MMP26: variants seen among roughly 807,000 people sequenced by gnomAD.
MMP26 encodes matrix metallopeptidase 26.
In MMP26, 33 loss-of-function variants were observed where a neutral mutation model predicts 31.0. The ratio of observed to expected loss-of-function variants is 1.06; its 90% confidence interval spans 0.81 to 1.42. MMP26 has a LOEUF of 1.42. Among genes scored for constraint, MMP26 ranks in the 40% most tolerant of loss-of-function variants. MMP26 has a pLI of 0.00. For synonymous variants in MMP26, 122 were observed against 114.9 expected, an observed-to-expected ratio of 1.06 and a Z score of -0.40; for missense variants, 347 against 316.1, an observed-to-expected ratio of 1.10 and a Z score of -0.74.
intron 2 of MMP26, chr11:4,804,595 T>A (rs534369454): frequency 2.7e-6 from 2 of 742,558 alleles, no homozygotes; most frequent in African/African-American, 3.4e-5. Context: ...CGTACTTATG[T>A]CATTCAAAAT....
chr11:4,949,237 G>C (rs1249571600), intron 2 of MMP26, among the ~76,000 whole-genome samples: 1 of 121,812 alleles, frequency 8.2e-6, no homozygotes, highest in Non-Finnish European at 1.8e-5. Context: ...TGCTACGTTT[G>C]CTATGAAATA....
intron 2 of MMP26, among the ~76,000 whole-genome samples, chr11:4,968,885 C>T (rs1044302789): frequency 1.3e-5 from 2 of 152,006 alleles, no homozygotes; most frequent in Non-Finnish European, 2.9e-5. Flanking sequence ...AATACCCAGT[C>T]ATACTTTAGA....
At chr11:4,924,713 G>A (rs1851244374) in intron 2 of MMP26, among the ~76,000 whole-genome samples, 1 of 152,192 alleles carries the variant, frequency 6.6e-6, no homozygotes. Flanking sequence ...TGGATCTAGA[G>A]ATGGGAAGGA....
chr11:4,854,774 T>C (rs1850025569), intron 2 of MMP26, among the ~76,000 whole-genome samples: 1 of 152,158 alleles, frequency 6.6e-6, no homozygotes, highest in Non-Finnish European at 1.5e-5. Flanking sequence ...CTCAAGTGGG[T>C]CCCTGACCCT....
At chr11:4,896,494 G>A (rs1192183185) in intron 2 of MMP26, among the ~76,000 whole-genome samples, 1 of 152,136 alleles carries the variant, frequency 6.6e-6, no homozygotes, top group Non-Finnish European at 1.5e-5. Context: ...TTCCCACAAG[G>A]CATTGCTATG....
chr11:4,923,491 C>G, intron 2 of MMP26: 1 of 1,614,012 alleles, frequency 6.2e-7, no homozygotes. Context: ...GTGGTACCAG[C>G]AGATACACAT....
intron 2 of MMP26, among the ~76,000 whole-genome samples, chr11:4,817,768 T>C (rs1849441332): frequency 6.6e-6 from 1 of 152,194 alleles, no homozygotes; most frequent in Non-Finnish European, 1.5e-5. Flanking sequence ...GAATTTCTAG[T>C]CATTACACCT....
chr11:4,911,796 T>G (rs1850995801), intron 2 of MMP26, among the ~76,000 whole-genome samples: 2 of 152,204 alleles, frequency 1.3e-5, no homozygotes, highest in Non-Finnish European at 2.9e-5. Context: ...TTGCAGTTTA[T>G]GAAATAGTTA....
At chr11:4,719,206 G>A (rs2133272962) in intron 1 of MMP26, 1 of 154,848 alleles carries the variant, frequency 6.5e-6, no homozygotes, top group Admixed American at 6.5e-5. Flanking sequence ...GATCAACAGT[G>A]CAGTTGGGCT....
At chr11:4,853,818 A>G (rs1006864452) in intron 2 of MMP26, among the ~76,000 whole-genome samples, 5 of 152,204 alleles carry the variant, frequency 3.3e-5, no homozygotes, top group African/African-American at 1.2e-4. Flanking sequence ...TTGATTCTAA[A>G]GCCAAATCAT....
intron 2 of MMP26, among the ~76,000 whole-genome samples, chr11:4,867,472 C>A (rs555271697): frequency 1.4e-5 from 2 of 147,380 alleles, no homozygotes; most frequent in South Asian, 4.5e-4. Flanking sequence ...CTCACTGCAA[C>A]CTCCACCTCC....
intron 2 of MMP26, among the ~76,000 whole-genome samples, chr11:4,930,137 TA>T (rs2133589807): frequency 6.6e-6 from 1 of 152,212 alleles, no homozygotes; most frequent in East Asian, 1.9e-4. Flanking sequence ...ATTTTAAAAA[TA>T]AAAACATCAC....
Position 4,931,439 on chromosome 11 carries a change from G to C in MMP26, c.-144-56629G>C, listed in dbSNP as rs189375311. Among the ~76,000 whole-genome samples the C allele has an allele frequency of 4.2e-3, 631 of 151,998 alleles. 3 individuals carry two copies. The highest frequency in any genetic ancestry group is 0.015 in the African/African-American group (605 of 41,478). ...GAGTAAGCAGAAGAAGAGGAACAAA[G>C]AGCCAAAAACAAAAGACAAAACACG... is the stretch of plus-strand genomic sequence containing the variant. On this transcript the variant is annotated intron_variant, in intron 2 of 7. Coordinates refer to ENST00000380390, the MANE Select transcript of MMP26 (RefSeq NM_021801.5).
At chr11:4,821,475 C>G (rs1463876580) in intron 2 of MMP26, 3 of 1,613,222 alleles carry the variant, frequency 1.9e-6, no homozygotes, top group Non-Finnish European at 2.5e-6. Flanking sequence ...TCCTGATGGG[C>G]ATTCCAGGCC....
At chr11:4,955,723 A>G (rs758935435) in intron 2 of MMP26, 81 of 1,569,184 alleles carry the variant, frequency 5.2e-5, no homozygotes, top group Non-Finnish European at 6.5e-5. Context: ...TGATTCATTC[A>G]TAGGGCTCTG....
intron 2 of MMP26, among the ~76,000 whole-genome samples, chr11:4,963,607 C>G (rs1846551149): frequency 6.6e-6 from 1 of 151,934 alleles, no homozygotes; most frequent in Admixed American, 6.6e-5. Flanking sequence ...GATCTTTGTC[C>G]TTGCTTTTTA....
At chr11:4,907,923 T>G (rs768217386) in intron 2 of MMP26, 1 of 1,614,146 alleles carries the variant, frequency 6.2e-7, no homozygotes, top group African/African-American at 1.3e-5. Flanking sequence ...CAGGATACCA[T>G]GAAGCTGGCC....
intron 2 of MMP26, among the ~76,000 whole-genome samples, chr11:4,856,257 A>G (rs1320536923): frequency 9.2e-5 from 14 of 152,246 alleles, no homozygotes; most frequent in Admixed American, 9.2e-4. Flanking sequence ...AAATGTTCCA[A>G]TTAAAAGACA....
At chr11:4,914,337 A>AAG (rs1046992476) in intron 2 of MMP26, 24 of 165,310 alleles carry the variant, frequency 1.5e-4, no homozygotes, top group South Asian at 9.9e-4. Context: ...ATGGAGGTGG[A>AAG]AGAGAGAGAG....
Sources: gnomAD v4.1 joint callset for allele counts (sites outside exome capture counted in the v4.1 genomes callset) on GRCh38, gnomAD v4.1.1 for gene constraint, MANE v1.5 for transcripts, NCBI Gene and HGNC (gene_info 2026-07-23, HGNC 2026-07-21) for gene names.